Variants in PIGR observed in about 807,000 individuals in gnomAD.
The protein encoded by PIGR is polymeric immunoglobulin receptor, also known as hepatocellular carcinoma associated protein TB6.
PIGR carries 22 observed loss-of-function variants against 69.5 expected under a neutral mutation model. The ratio of observed to expected loss-of-function variants is 0.32; its 90% CI spans 0.23 to 0.45. The LOEUF (loss-of-function observed/expected upper bound fraction) is 0.45, where lower values mean the gene tolerates loss of function less well. Among genes scored for constraint, PIGR ranks in the 20% least tolerant of loss-of-function variants. The pLI is 1.00. For synonymous variants in PIGR, 413 were observed against 407.6 expected, an observed-to-expected ratio of 1.01 and a Z score of -0.16; for missense variants, 885 against 974.0, an observed-to-expected ratio of 0.91 and a Z score of 1.22.
Position 206,939,214 on chromosome 1 carries a change from G to A in PIGR, c.293C>T (p.Ala98Val). 1 of 1,614,190 alleles carries A rather than the reference G, an allele frequency of 6.2e-7. No homozygotes were observed. Among genetic ancestry groups the A allele is most frequent in the Middle Eastern group, 1.6e-4 (1 of 6,062 alleles). Residue 98 changes from alanine to valine, a missense_variant, in exon 3 of 11, where the codon GCC becomes GTC. Ala to Val is a moderately conservative substitution (Grantham distance 64, BLOSUM62 0). Coordinates refer to ENST00000356495, the MANE Select transcript of PIGR (RefSeq NM_002644.4). The stretch of plus-strand genomic sequence containing the variant: ...CCCGGAGTCATCCTGGCTCAGCTGG[G>A]CAATGTTCACCACAAATGTGCCGTT... ...PENGTFVVNI[A>V]QLSQDDSGRY...
intron 6 of PIGR, 59 bp downstream of exon 6, chr1:206,934,361 C>A (rs1371185252): frequency 2.8e-6 from 4 of 1,425,922 alleles, no homozygotes; most frequent in Non-Finnish European, 3.8e-6. Flanking sequence ...CAGGCAGGGG[C>A]CTTCAGGAAG....
rs749129250 is a variant in PIGR, at chr1:206,937,645, C to T, written c.495G>A (p.Leu165=). 1 of 1,613,740 alleles carries T rather than the reference C, an allele frequency of 6.2e-7. No individual in the cohort carries two copies. The highest frequency in any genetic ancestry group is 2.2e-5 in the East Asian group (1 of 44,886). Residue 165 remains leucine, a synonymous_variant, in exon 4 of 11, where the codon TTG becomes TTA. Coordinates refer to ENST00000356495, the MANE Select transcript of PIGR (RefSeq NM_002644.4). ...CAGGGTACAGGCCTATCTGCTTGTA[C>T]AAGGACTTCCTCTTTTGAGCATTCT... ...KTENAQKRKS[L]YKQIGLYPVL...
rs781720269 is a variant in PIGR at position 206,937,226 on chromosome 1, T to C, written c.914A>G (p.Asp305Gly). The C allele has an allele frequency of 1.9e-6, 3 of 1,614,154 alleles. No individual in the cohort carries two copies. Among genetic ancestry groups the C allele is most frequent in the East Asian group, 4.5e-5 (2 of 44,866 alleles). The change falls in exon 4 of 11, where the codon GAT becomes GGT. Residue 305 changes from aspartate (D) to glycine (G), a missense_variant. By Grantham distance (94) the Asp-to-Gly change is moderately conservative (BLOSUM62 -1). Transcript: ENST00000356495. ...TGTGATCACCACACTGAATGAGCCA[T>C]CCTTGTCCTGGGGGTTGAGCAGGAT... ...GRILLNPQDK[D>G]GSFSVVITGL...
chr1:206,940,539 G>A lies in PIGR; in HGVS notation c.-8C>T. Reference sequence around the variant, plus strand: ...GAGCACGAAGAGCAGCATTGCTGGTGGGTCCCGAGCGCCGCACCACTCAGG... The same window carrying A: ...GAGCACGAAGAGCAGCATTGCTGGTAGGTCCCGAGCGCCGCACCACTCAGG... On this transcript the variant is annotated 5_prime_UTR_variant, in exon 2 of 11. Transcript: ENST00000356495. 6.4e-7 allele frequency: 1 copy of A among 1,551,264 alleles called. No homozygotes were observed. Among genetic ancestry groups the A allele is most frequent in the East Asian group, 2.4e-5 (1 of 40,898 alleles).
chr1:206,933,142 T>A lies in PIGR; in HGVS notation c.1730A>T (p.Lys577Met). The change falls in exon 7 of 11, where the codon AAG becomes ATG. Residue 577 changes from lysine to methionine, a missense_variant. Coordinates refer to ENST00000356495, the MANE Select transcript of PIGR (RefSeq NM_002644.4). Reference sequence around the variant, plus strand: ...CTTCTCATCAGGAGCAGCGTCTGCCTTCGCTAGGCTGACATCGCGGGACCC... The same window carrying A: ...CTTCTCATCAGGAGCAGCGTCTGCCATCGCTAGGCTGACATCGCGGGACCC... The part of the protein sequence containing the change: ...AAGSRDVSLA[K>M]ADAAPDEKVL... The A allele has an allele frequency of 6.2e-7, 1 of 1,614,190 alleles. No homozygotes were observed. Among genetic ancestry groups the A allele is most frequent in the Non-Finnish European group, 8.5e-7 (1 of 1,180,024 alleles).
chr1:206,941,634 A>G (rs1199158658), intron 1 of PIGR, among the ~76,000 whole-genome samples: 2 of 152,214 alleles, frequency 1.3e-5, no homozygotes, highest in African/African-American at 2.4e-5. Context: ...CTGCCTGGTA[A>G]GGCCTGGCAG....
In PIGR at chr1:206,935,878, C is replaced by A; in HGVS notation, c.1046-60G>T. The A allele has an allele frequency of 7.7e-7, 1 of 1,301,022 alleles. No individual in the cohort carries two copies. Among genetic ancestry groups the A allele is most frequent in the Non-Finnish European group, 1.1e-6 (1 of 938,838 alleles). The allele number at this position is 1,301,022 out of a possible 1,614,324, so 80.6% of individuals were successfully genotyped here. A position where few individuals can be genotyped will look rare whatever the true frequency, so the allele number is the denominator to read the frequency against. On this transcript the variant is annotated intron_variant, in intron 4 of 10. Transcript: ENST00000356495. The surrounding 1 kb of genome is among the most constrained non-coding windows in gnomAD (Gnocchi z 4.4). ...GCCACGCAGGAAGAGCCTTGCGTGG[C>A]CTGAGAAGCCTTCTTCCCGGGGTCT... is the stretch of plus-strand genomic sequence containing the variant.
Position 206,930,291 on chromosome 1 carries a change from G to A in PIGR, c.*27C>T, listed in dbSNP as rs769990159. The A allele has an allele frequency of 2.5e-6, 4 of 1,584,640 alleles. No homozygotes were observed. The highest frequency in any genetic ancestry group is 3.4e-6 in the Non-Finnish European group (4 of 1,161,824). The stretch of plus-strand genomic sequence containing the variant: ...CATGATTCTGAAGGTGATTGTCATG[G>A]GTGCAGGGAGCAGGCGGCGACACCG... On this transcript the variant is annotated 3_prime_UTR_variant, in exon 11 of 11. Coordinates refer to ENST00000356495, the MANE Select transcript of PIGR (RefSeq NM_002644.4). This position sits in a 1 kb window ranked among gnomAD's most constrained non-coding sequence, Gnocchi z 4.3.
chr1:206,930,949 G>GGT lies in PIGR; in HGVS notation c.2200-538_2200-537dup. On this transcript the variant is annotated intron_variant, in intron 10 of 10. Coordinates refer to ENST00000356495, the MANE Select transcript of PIGR (RefSeq NM_002644.4). The surrounding 1 kb of genome is among the most constrained non-coding windows in gnomAD (Gnocchi z 4.3). ...AAAGGCATGAGATGTTATTTTTCTT[G>GGT]GTCCCCTGAGTCCTAGGGCAGATTG... 1.0e-6 allele frequency: 1 copy of GGT among 985,372 alleles called. No homozygotes were observed. The highest frequency in any genetic ancestry group is 1.2e-6 in the Non-Finnish European group (1 of 829,900). The allele number at this position is 985,372 out of a possible 1,614,324, so 61.0% of individuals were successfully genotyped here.
chr1:206,931,942 G>C (rs1679762722), intron 8 of PIGR, 140 bp from the exon 9 acceptor site: 2 of 874,698 alleles, frequency 2.3e-6, no homozygotes, highest in Admixed American at 4.1e-5. Flanking sequence ...GACCCAGGGG[G>C]ATGGAAATGA....
chr1:206,931,599 T>C, intron 9 of PIGR, 44 bp from the exon 10 acceptor site: 2 of 1,613,890 alleles, frequency 1.2e-6, no homozygotes, highest in South Asian at 2.2e-5. Context: ...TAGCCTCCTT[T>C]TCCCAACCCA....
chr1:206,934,672 G>T lies in PIGR; in HGVS notation c.1453C>A (p.Pro485Thr). The T allele has an allele frequency of 6.2e-7, 1 of 1,613,836 alleles. No individual in the cohort carries two copies. Among genetic ancestry groups the T allele is most frequent in the East Asian group, 2.2e-5 (1 of 44,892 alleles). The change falls in exon 6 of 11, where the codon CCA becomes ACA. Residue 485 changes from proline (P) to threonine (T), a missense_variant. Coordinates refer to ENST00000356495, the MANE Select transcript of PIGR (RefSeq NM_002644.4). ...GETLKVPCHF[P>T]CKFSSYEKYW... Reference sequence around the variant, plus strand: ...TTCTCGTACGAGGAGAATTTGCATGGAAAGTGACAGGGGACCTTGAGAGTC... The same window carrying T: ...TTCTCGTACGAGGAGAATTTGCATGTAAAGTGACAGGGGACCTTGAGAGTC...
Position 206,935,424 on chromosome 1 carries a change from T to G in PIGR, c.1378+62A>C. ...GCGGGTGAAAAAGGAGGAAGAGTGG[T>G]TGGGGATGCTGCTGCTGGCTGGAGA... On this transcript the variant is annotated intron_variant, in intron 5 of 10. Coordinates refer to ENST00000356495, the MANE Select transcript of PIGR (RefSeq NM_002644.4). This position sits in a 1 kb window ranked among gnomAD's most constrained non-coding sequence, Gnocchi z 4.4. 7.3e-7 allele frequency: 1 copy of G among 1,373,516 alleles called. No homozygotes were observed. The highest frequency in any genetic ancestry group is 1.0e-6 in the Non-Finnish European group (1 of 985,892). The allele number at this position is 1,373,516 out of a possible 1,614,324, so 85.1% of individuals were successfully genotyped here. A position where few individuals can be genotyped will look rare whatever the true frequency, so the allele number is the denominator to read the frequency against.
Position 206,938,492 on chromosome 1 carries a change from A to G in PIGR, c.388+627T>C, listed in dbSNP as rs140472003. 7.1e-3 allele frequency among the ~76,000 whole-genome samples: 1,074 copies of G among 152,272 alleles called. 14 individuals carry two copies. The highest frequency in any genetic ancestry group is 0.024 in the African/African-American group (992 of 41,548). On this transcript the variant is annotated intron_variant, in intron 3 of 10. Coordinates refer to ENST00000356495, the MANE Select transcript of PIGR (RefSeq NM_002644.4). ...CTTTTCTCCGTAGACCTCTCTTTTGAGTTGCCCTTGACTATCTAAAACAGC... is the reference window on the plus strand; with the variant it reads ...CTTTTCTCCGTAGACCTCTCTTTTGGGTTGCCCTTGACTATCTAAAACAGC...
intron 2 of PIGR, among the ~76,000 whole-genome samples, chr1:206,940,017 C>T (rs1307674509): frequency 6.6e-6 from 1 of 152,234 alleles, no homozygotes; most frequent in African/African-American, 2.4e-5. Context: ...AGCATCCAGC[C>T]ATCCATTGTT....
At chr1:206,939,742 T>G (rs1679943425) in intron 2 of PIGR, among the ~76,000 whole-genome samples, 1 of 152,264 alleles carries the variant, frequency 6.6e-6, no homozygotes, top group African/African-American at 2.4e-5. Context: ...TTTTTATTGT[T>G]TTGAGACAAA....
rs753618549 is a variant in PIGR, at chr1:206,937,747, A to C, written c.393T>G (p.Pro131=). 2 of 1,613,660 alleles carry C rather than the reference A, an allele frequency of 1.2e-6. No homozygotes were observed. Among genetic ancestry groups the C allele is most frequent in the Non-Finnish European group, 1.7e-6 (2 of 1,179,802 alleles). Residue 131 remains proline (P), a synonymous_variant, in exon 4 of 11, where the codon CCT becomes CCG. Coordinates refer to ENST00000356495, the MANE Select transcript of PIGR (RefSeq NM_002644.4). ...AGACTTTAGTGTCATTTAGGAGCCC[A>C]GGACCTGCAGGATGAGGGGTGCAAG... ...FDVSLEVSQG[P]GLLNDTKVYT...
rs957906648 is a variant in PIGR at position 206,930,598 on chromosome 1, G to A, written c.2200-185C>T. ...AAGGACGCATTTTGAGAAATGGAAAGTTGCAGCCTCTAAAAATATCTTCTT... is the reference window on the plus strand; with the variant it reads ...AAGGACGCATTTTGAGAAATGGAAAATTGCAGCCTCTAAAAATATCTTCTT... On this transcript the variant is annotated intron_variant, in intron 10 of 10. Coordinates refer to ENST00000356495, the MANE Select transcript of PIGR (RefSeq NM_002644.4). This position sits in a 1 kb window ranked among gnomAD's most constrained non-coding sequence, Gnocchi z 4.3. The A allele has an allele frequency of 1.2e-5, 12 of 985,364 alleles. No individual in the cohort carries two copies. Among genetic ancestry groups the A allele is most frequent in the Non-Finnish European group, 1.4e-5 (12 of 829,910 alleles). The allele number at this position is 985,364 out of a possible 1,614,324, so 61.0% of individuals were successfully genotyped here.
rs1304783504 is a variant in PIGR at position 206,930,249 on chromosome 1, G to A, written c.*69C>T. The A allele has an allele frequency of 1.4e-6, 2 of 1,406,312 alleles. No individual in the cohort carries two copies. Among genetic ancestry groups the A allele is most frequent in the African/African-American group, 2.9e-5 (2 of 69,728 alleles). The allele number at this position is 1,406,312 out of a possible 1,614,324, so 87.1% of individuals were successfully genotyped here. A position where few individuals can be genotyped will look rare whatever the true frequency, so the allele number is the denominator to read the frequency against. On this transcript the variant is annotated 3_prime_UTR_variant, in exon 11 of 11. Coordinates refer to ENST00000356495, the MANE Select transcript of PIGR (RefSeq NM_002644.4). The surrounding 1 kb of genome is among the most constrained non-coding windows in gnomAD (Gnocchi z 4.3). ...GCAGGGAGTGGGGTCCCCAGGAGCTGAGGGCCCCAGGATCGACATGATTCT... is the reference window on the plus strand; with the variant it reads ...GCAGGGAGTGGGGTCCCCAGGAGCTAAGGGCCCCAGGATCGACATGATTCT...
Sources: gnomAD v4.1 joint callset for allele counts (sites outside exome capture counted in the v4.1 genomes callset) on GRCh38, gnomAD v4.1.1 for gene constraint, Gnocchi (gnomAD v3.1) non-coding constraint, MANE v1.5 for transcripts, NCBI Gene and HGNC (gene_info 2026-07-23, HGNC 2026-07-21) for gene names.